Variants in KCTD16 observed in about 807,000 individuals in gnomAD.
KCTD16 encodes potassium channel tetramerization domain containing 16, also known as BTB/POZ domain-containing protein KCTD16.
In KCTD16, 13 loss-of-function variants were observed where a neutral mutation model predicts 33.2. That is an observed-to-expected ratio of 0.39 (90% CI 0.25 to 0.62). The LOEUF (loss-of-function observed/expected upper bound fraction) is 0.62. Among genes scored for constraint, KCTD16 ranks in the 20% least tolerant of loss-of-function variants. KCTD16 has a pLI of 0.50. For missense variants in KCTD16, 441 were observed against 525.1 expected (o/e 0.84, Z 1.57); for synonymous variants, 197 against 195.3 (o/e 1.01, Z -0.07).
intron 2 of KCTD16, among the ~76,000 whole-genome samples, chr5:144,181,245 T>A (rs1210421319): frequency 2.6e-5 from 4 of 152,206 alleles, no homozygotes; most frequent in African/African-American, 9.7e-5. Flanking sequence ...TACTGCAACT[T>A]TTTATGCAAA....
At chr5:144,209,899 T>C (rs1414779156) in intron 3 of KCTD16, among the ~76,000 whole-genome samples, 1 of 142,296 alleles carries the variant, frequency 7.0e-6, no homozygotes, top group Non-Finnish European at 1.5e-5. Context: ...TATGTGTGTG[T>C]ATATATATGT....
At position 144,479,371 on chromosome 5, in the gene KCTD16, A is replaced by G. The variant is rs1245506608; in HGVS notation, c.*5257A>G. The stretch of plus-strand genomic sequence containing the variant: ...TGATGTGTAAGAATAAATGCAAAAA[A>G]AAAAAAAAAAGAAAAAGAAAAAGAA... On this transcript the variant is annotated 3_prime_UTR_variant, in exon 4 of 4. Coordinates refer to ENST00000512467, the MANE Select transcript of KCTD16 (RefSeq NM_020768.4). The G allele has an allele frequency of 7.0e-6, 1 of 143,092 alleles. No homozygotes were observed. Among genetic ancestry groups the G allele is most frequent in the Non-Finnish European group, 1.6e-5 (1 of 62,202 alleles). The allele number at this position is 143,092 out of a possible 1,614,324, so 8.9% of individuals were successfully genotyped here. A position where few individuals can be genotyped will look rare whatever the true frequency, so the allele number is the denominator to read the frequency against.
At chr5:144,402,478 A>G (rs1164621413) in intron 3 of KCTD16, among the ~76,000 whole-genome samples, 1 of 152,116 alleles carries the variant, frequency 6.6e-6, no homozygotes, top group Non-Finnish European at 1.5e-5. Context: ...CTTAGTGATA[A>G]GGAAGAATAT....
At chr5:144,186,263 A>C (rs533689229) in intron 2 of KCTD16, among the ~76,000 whole-genome samples, 1 of 152,154 alleles carries the variant, frequency 6.6e-6, no homozygotes, top group Admixed American at 6.5e-5. Context: ...TAGAGTTTAC[A>C]CTAGCATCTA....
intron 2 of KCTD16, among the ~76,000 whole-genome samples, chr5:144,186,037 A>C (rs1364804851): frequency 1.3e-5 from 2 of 152,144 alleles, no homozygotes; most frequent in Non-Finnish European, 2.9e-5. Context: ...TTGAACTCCA[A>C]GTGAGCTTCA....
intron 3 of KCTD16, among the ~76,000 whole-genome samples, chr5:144,299,150 T>A (rs7717937): frequency 0.033 from 970 of 29,086 alleles, 21 homozygotes; most frequent in African/African-American, 0.048. Flanking sequence ...ATATATATAT[T>A]TTTTTTTTTT....
Position 144,227,599 on chromosome 5 carries a change from T to C in KCTD16, c.832+20053T>C, listed in dbSNP as rs189798416. On this transcript the variant is annotated intron_variant, in intron 3 of 3. Transcript: ENST00000512467. ...GCTGCCTGCCAAATGATGTCAGAAA[T>C]TTGACATATATTTTAACAAGCTGCT... 1.4e-4 allele frequency among the ~76,000 whole-genome samples: 22 copies of C among 152,324 alleles called. No individual in the cohort carries two copies. In the East Asian group the frequency reaches 4.1e-3, roughly 28 times the overall value.
intron 3 of KCTD16, among the ~76,000 whole-genome samples, chr5:144,305,910 A>G (rs1341213997): frequency 2.0e-5 from 3 of 152,206 alleles, no homozygotes; most frequent in Non-Finnish European, 2.9e-5. Context: ...TCCTGTGGAC[A>G]TGTTGATCCT....
chr5:144,259,195 T>C (rs1360388193), intron 3 of KCTD16, among the ~76,000 whole-genome samples: 1 of 143,804 alleles, frequency 7.0e-6, no homozygotes, highest in African/African-American at 2.6e-5. Flanking sequence ...GAGGCGGAGC[T>C]TGCAGTTAGC....
At chr5:144,344,036 G>A (rs1038561627) in intron 3 of KCTD16, among the ~76,000 whole-genome samples, 2 of 152,038 alleles carry the variant, frequency 1.3e-5, no homozygotes, top group African/African-American at 2.4e-5. Flanking sequence ...ACAGAACAGA[G>A]CCCTCAGAAA....
At chr5:144,222,491 A>G (rs1753789374) in intron 3 of KCTD16, among the ~76,000 whole-genome samples, 1 of 152,318 alleles carries the variant, frequency 6.6e-6, no homozygotes, top group East Asian at 1.9e-4. Context: ...AGAAGTAGAC[A>G]TACACTTCTC....
At chr5:144,421,656 G>A (rs1753213331) in intron 3 of KCTD16, among the ~76,000 whole-genome samples, 1 of 152,076 alleles carries the variant, frequency 6.6e-6, no homozygotes, top group African/African-American at 2.4e-5. Flanking sequence ...CTCCACTGTT[G>A]CACAGACGTT....
In KCTD16 at chr5:144,309,775, T is replaced by A. The variant is rs145215464; in HGVS notation, c.832+102229T>A. The stretch of plus-strand genomic sequence containing the variant: ...GACAATCCTATGAGAGATGGACCAT[T>A]TTGGGACATTATTAGTTGGAGATAC... On this transcript the variant is annotated intron_variant, in intron 3 of 3. Coordinates refer to ENST00000512467, the MANE Select transcript of KCTD16 (RefSeq NM_020768.4). Among the ~76,000 whole-genome samples, 950 of 152,160 alleles carry A rather than the reference T, an allele frequency of 6.2e-3. 11 individuals are homozygous for A. Among genetic ancestry groups the A allele is most frequent in the African/African-American group, 0.022 (893 of 41,522 alleles).
rs975805778 is a variant in KCTD16 at position 144,299,299 on chromosome 5, T to C, written c.832+91753T>C. Among the ~76,000 whole-genome samples, 9 of 151,292 alleles carry C rather than the reference T, an allele frequency of 5.9e-5. No individual in the cohort carries two copies. In the South Asian group the frequency reaches 1.5e-3, roughly 25 times the overall value. Reference sequence around the variant, plus strand: ...GAACCAAGAAGGGAAACAAGTCCACTTGGCTGTACATAATAATGATCCATC... The same window carrying C: ...GAACCAAGAAGGGAAACAAGTCCACCTGGCTGTACATAATAATGATCCATC... On this transcript the variant is annotated intron_variant, in intron 3 of 3. Coordinates refer to ENST00000512467, the MANE Select transcript of KCTD16 (RefSeq NM_020768.4).
intron 3 of KCTD16, among the ~76,000 whole-genome samples, chr5:144,217,668 A>C (rs1753607199): frequency 6.6e-6 from 1 of 152,118 alleles, no homozygotes. Flanking sequence ...AATGGGTAGA[A>C]AATGTCATAT....
chr5:144,238,452 G>A (rs927890804), intron 3 of KCTD16, among the ~76,000 whole-genome samples: 8 of 152,158 alleles, frequency 5.3e-5, no homozygotes, highest in Admixed American at 3.3e-4. Flanking sequence ...GTAACTTTAC[G>A]TCAAAGCCTG....
intron 3 of KCTD16, among the ~76,000 whole-genome samples, chr5:144,335,529 G>A (rs1356932502): frequency 6.7e-6 from 1 of 148,382 alleles, no homozygotes; most frequent in Non-Finnish European, 1.5e-5. Flanking sequence ...AAGAGCTCAG[G>A]TTCTAGTGAA....
chr5:144,467,832 T>G (rs979000512), intron 3 of KCTD16, among the ~76,000 whole-genome samples: 1 of 152,172 alleles, frequency 6.6e-6, no homozygotes, highest in Non-Finnish European at 1.5e-5. Flanking sequence ...AGGTGTTGTC[T>G]CTCAGCTCCA....
intron 3 of KCTD16, among the ~76,000 whole-genome samples, chr5:144,412,834 C>T (rs1752962612): frequency 6.6e-6 from 1 of 152,054 alleles, no homozygotes; most frequent in Non-Finnish European, 1.5e-5. Flanking sequence ...TGCAGTGAGC[C>T]GAGATCATGC....
Sources: gnomAD v4.1 joint callset for allele counts (sites outside exome capture counted in the v4.1 genomes callset) on GRCh38, gnomAD v4.1.1 for gene constraint, MANE v1.5 for transcripts, NCBI Gene and HGNC (gene_info 2026-07-23, HGNC 2026-07-21) for gene names.